The following PTPRD variants were observed in gnomAD, a reference collection of about 807,000 sequenced individuals.
PTPRD encodes the protein receptor-type tyrosine-protein phosphatase delta.
Under a neutral mutation model 214.5 loss-of-function variants are expected in PTPRD, and 34 were observed. The ratio of observed to expected loss-of-function variants is 0.16; its 90% CI spans 0.12 to 0.21. The LOEUF is 0.21. PTPRD is among the 10% of genes least tolerant of loss of function. PTPRD has a pLI of 1.00. For missense variants in PTPRD, 2,545 were observed against 2,398.7 expected (o/e 1.06, Z -1.27); for synonymous variants, 1,128 against 845.7 (o/e 1.33, Z -5.79).
intron 8 of PTPRD, among the ~76,000 whole-genome samples, chr9:9,541,041 C>T (rs2077486887): frequency 6.6e-6 from 1 of 151,698 alleles, no homozygotes; most frequent in African/African-American, 2.4e-5. Context: ...GTTCTAGGAG[C>T]AACTATATCT....
At chr9:9,162,021 C>A (rs2099890376) in intron 10 of PTPRD, among the ~76,000 whole-genome samples, 1 of 151,926 alleles carries the variant, frequency 6.6e-6, no homozygotes, top group South Asian at 2.1e-4. Flanking sequence ...ATAAGGGATT[C>A]AGCATTTTCA....
chr9:10,285,516 T>G (rs2095314661), intron 3 of PTPRD, among the ~76,000 whole-genome samples: 1 of 151,934 alleles, frequency 6.6e-6, no homozygotes, highest in African/African-American at 2.4e-5. Context: ...ACACAGCCTT[T>G]GAAGCAAGGC....
At chr9:8,937,004 A>G (rs1224945535) in intron 11 of PTPRD, among the ~76,000 whole-genome samples, 2 of 152,182 alleles carry the variant, frequency 1.3e-5, no homozygotes, top group African/African-American at 4.8e-5. Context: ...AGTAAGAAAT[A>G]AAGTATTTGG....
chr9:9,658,568 G>T (rs749706743), intron 7 of PTPRD, among the ~76,000 whole-genome samples: 2 of 152,104 alleles, frequency 1.3e-5, no homozygotes, highest in Non-Finnish European at 2.9e-5. Context: ...TCTCCAAGAA[G>T]ATCACTTGTG....
chr9:10,469,041 A>T (rs1418940084), intron 2 of PTPRD, among the ~76,000 whole-genome samples: 2 of 152,138 alleles, frequency 1.3e-5, no homozygotes, highest in Non-Finnish European at 2.9e-5. Flanking sequence ...TTAATGCTGA[A>T]ATTAAAAATT....
intron 8 of PTPRD, among the ~76,000 whole-genome samples, chr9:9,495,678 A>C (rs977686597): frequency 7.2e-5 from 11 of 151,844 alleles, no homozygotes; most frequent in Admixed American, 1.3e-4. Flanking sequence ...TGTTTTCATC[A>C]CTCAATAAAA....
chr9:9,947,519 AT>A, intron 4 of PTPRD, among the ~76,000 whole-genome samples: 1 of 28,174 alleles, frequency 3.5e-5, no homozygotes, highest in African/African-American at 1.7e-4. Flanking sequence ...TATAATATAT[AT>A]ATTATATATA....
At chr9:9,260,325 A>G (rs2099979535) in intron 9 of PTPRD, among the ~76,000 whole-genome samples, 1 of 151,874 alleles carries the variant, frequency 6.6e-6, no homozygotes, top group Non-Finnish European at 1.5e-5. Flanking sequence ...AGACTACTGT[A>G]AAGGGACTGA....
intron 7 of PTPRD, among the ~76,000 whole-genome samples, chr9:9,659,482 A>G (rs553709355): frequency 6.6e-6 from 1 of 152,178 alleles, no homozygotes; most frequent in Non-Finnish European, 1.5e-5. Flanking sequence ...GCTATACATC[A>G]AATCAATTAA....
At chr9:9,129,171 CCTGAGGTCAGGAG>C (rs2099838746) in intron 10 of PTPRD, among the ~76,000 whole-genome samples, 1 of 152,142 alleles carries the variant, frequency 6.6e-6, no homozygotes. Flanking sequence ...GGGTTGATCA[CCTGAGGTCAGGAG>C]TTTGAGACCC....
chr9:8,786,228 C>T (rs953078876), intron 11 of PTPRD, among the ~76,000 whole-genome samples: 1 of 152,106 alleles, frequency 6.6e-6, no homozygotes, highest in African/African-American at 2.4e-5. Flanking sequence ...CCTGTGTTAA[C>T]TATGAGTTTC....
At chr9:9,977,871 T>C (rs2095411728) in intron 4 of PTPRD, among the ~76,000 whole-genome samples, 1 of 152,070 alleles carries the variant, frequency 6.6e-6, no homozygotes, top group African/African-American at 2.4e-5. Context: ...TTGAAATGAA[T>C]TAATATTTCT....
Position 8,528,791 on chromosome 9 carries a change from A to T in PTPRD, c.353-12T>A, listed in dbSNP as rs1422594685. 1 of 1,612,050 alleles carries T rather than the reference A, an allele frequency of 6.2e-7. No individual in the cohort carries two copies. Among genetic ancestry groups the T allele is most frequent in the Non-Finnish European group, 8.5e-7 (1 of 1,178,734 alleles). ...GGGAATTTGATCTTCTGCAAGACAAAAGGTGATAGAAACATTCAGTTAATA... is the reference window on the plus strand; with the variant it reads ...GGGAATTTGATCTTCTGCAAGACAATAGGTGATAGAAACATTCAGTTAATA... On this transcript the variant is annotated splice_polypyrimidine_tract_variant and intron_variant, in intron 14 of 45. Transcript: ENST00000381196.
chr9:8,713,475 G>C (rs2098389637), intron 12 of PTPRD: 5 of 1,122,728 alleles, frequency 4.5e-6, no homozygotes, highest in African/African-American at 3.0e-5. Context: ...AGAAAATGAA[G>C]AAGTCTTCAG....
At chr9:10,159,039 A>G (rs2099111178) in intron 3 of PTPRD, among the ~76,000 whole-genome samples, 1 of 152,082 alleles carries the variant, frequency 6.6e-6, no homozygotes, top group Non-Finnish European at 1.5e-5. Flanking sequence ...ATGAACACCT[A>G]GGAAGCCTTC....
At chr9:10,195,098 ATTTT>A (rs34900305) in intron 3 of PTPRD, among the ~76,000 whole-genome samples, 30 of 97,914 alleles carry the variant, frequency 3.1e-4, no homozygotes, top group African/African-American at 1.1e-3. Context: ...ATACCCGGCT[ATTTT>A]TTTTTTTTTT....
intron 10 of PTPRD, among the ~76,000 whole-genome samples, chr9:9,050,721 C>G (rs1005132321): frequency 1.1e-4 from 16 of 152,044 alleles, no homozygotes; most frequent in African/African-American, 3.1e-4. Flanking sequence ...TAGGTTATTA[C>G]GTTCACTGTT....
At chr9:10,302,902 C>G (rs1424217444) in intron 3 of PTPRD, among the ~76,000 whole-genome samples, 1 of 152,142 alleles carries the variant, frequency 6.6e-6, no homozygotes, top group Non-Finnish European at 1.5e-5. Flanking sequence ...AGCTCTGAAC[C>G]AAGTGGACCT....
chr9:8,507,278 G>T, intron 22 of PTPRD, 23 bp downstream of exon 22: 3 of 1,605,556 alleles, frequency 1.9e-6, no homozygotes, highest in Non-Finnish European at 2.5e-6. Context: ...TAATTCCCAA[G>T]GTGAGAAGCA....
Sources: allele counts gnomAD v4.1 joint callset (sites outside exome capture counted in the v4.1 genomes callset), GRCh38; gene constraint gnomAD v4.1.1; transcripts MANE v1.5; gene names NCBI Gene and HGNC (gene_info 2026-07-23, HGNC 2026-07-21).